Variants in NTM observed in about 807,000 individuals in gnomAD.
NTM encodes IgLON family member 2.
NTM carries 13 observed loss-of-function variants against 42.1 expected under a neutral mutation model. The observed-to-expected ratio is 0.31, with a 90% CI of 0.20 to 0.49. The LOEUF (loss-of-function observed/expected upper bound fraction) is 0.49. Among genes scored for constraint, NTM ranks in the 20% least tolerant of loss-of-function variants. The probability of loss-of-function intolerance (pLI) is 0.99; values close to 1 mark genes in which losing one functional copy is unlikely to be tolerated. For missense variants in NTM, 373 were observed against 452.8 expected (o/e 0.82, Z 1.60); for synonymous variants, 187 against 179.2 (o/e 1.04, Z -0.35).
At chr11:132,197,287 G>C (rs2080382659) in intron 3 of NTM, among the ~76,000 whole-genome samples, 1 of 152,110 alleles carries the variant, frequency 6.6e-6, no homozygotes, top group South Asian at 2.1e-4. Context: ...ATTAGATTTG[G>C]TAAGATGTAC....
At chr11:131,723,204 A>G (rs992595397) in intron 1 of NTM, among the ~76,000 whole-genome samples, 10 of 152,210 alleles carry the variant, frequency 6.6e-5, no homozygotes, top group African/African-American at 2.4e-4. Context: ...CGTTCACATC[A>G]TCCAGTGGTG....
chr11:131,700,823 AC>A (rs1321982902), intron 1 of NTM, among the ~76,000 whole-genome samples: 1 of 152,160 alleles, frequency 6.6e-6, no homozygotes, highest in Non-Finnish European at 1.5e-5. Flanking sequence ...TCTTTTCCAT[AC>A]GCAACCAATA....
At chr11:132,244,351 G>C (rs995954291) in intron 4 of NTM, among the ~76,000 whole-genome samples, 1 of 152,218 alleles carries the variant, frequency 6.6e-6, no homozygotes, top group Non-Finnish European at 1.5e-5. Flanking sequence ...ATTAAAGACA[G>C]CTGCGAGGAA....
intron 2 of NTM, among the ~76,000 whole-genome samples, chr11:131,930,423 A>G (rs74955016): frequency 1.3e-5 from 2 of 152,204 alleles, no homozygotes; most frequent in South Asian, 4.1e-4. Flanking sequence ...GTTTAATGAA[A>G]TGCTTCCTCG....
intron 2 of NTM, among the ~76,000 whole-genome samples, chr11:131,980,517 T>A (rs1169253847): frequency 6.6e-6 from 1 of 152,266 alleles, no homozygotes; most frequent in South Asian, 2.1e-4. Flanking sequence ...TTATTGAATT[T>A]TCTTAAGGAA....
chr11:132,322,028 G>A (rs2136291489), intron 7 of NTM, among the ~76,000 whole-genome samples: 1 of 151,994 alleles, frequency 6.6e-6, no homozygotes, highest in African/African-American at 2.4e-5. Context: ...CCTGAAGGAA[G>A]TGCTAAACAT....
intron 2 of NTM, among the ~76,000 whole-genome samples, chr11:131,921,453 A>C (rs1218624690): frequency 6.6e-6 from 1 of 152,182 alleles, no homozygotes; most frequent in East Asian, 1.9e-4. Context: ...TTTCAAAGGG[A>C]GTATGGCCCT....
intron 1 of NTM, among the ~76,000 whole-genome samples, chr11:131,566,099 C>T (rs192166242): frequency 1.6e-4 from 24 of 152,258 alleles, no homozygotes; most frequent in East Asian, 1.5e-3. Flanking sequence ...GTGCTCTTAA[C>T]GTCTCTCCCT....
chr11:131,766,248 G>A (rs2085074302), intron 1 of NTM, among the ~76,000 whole-genome samples: 1 of 152,176 alleles, frequency 6.6e-6, no homozygotes, highest in Non-Finnish European at 1.5e-5. Flanking sequence ...GGGAAGCAAA[G>A]CAGGTTGCAT....
At chr11:131,951,821 CAAAAA>C (rs11366451) in intron 2 of NTM, among the ~76,000 whole-genome samples, 3 of 70,144 alleles carry the variant, frequency 4.3e-5, no homozygotes, top group Non-Finnish European at 7.9e-5. Context: ...GACTCCGTCT[CAAAAA>C]AAAAAAAAAA....
chr11:132,322,196 A>C (rs1388331885), intron 7 of NTM, among the ~76,000 whole-genome samples: 1 of 152,160 alleles, frequency 6.6e-6, no homozygotes, highest in African/African-American at 2.4e-5. Flanking sequence ...TTTAAATGTA[A>C]ATGGACTAAA....
chr11:132,055,924 C>T (rs1224549545), intron 2 of NTM, among the ~76,000 whole-genome samples: 1 of 152,230 alleles, frequency 6.6e-6, no homozygotes, highest in African/African-American at 2.4e-5. Context: ...CAGAACTCGG[C>T]ACTCAGAAGC....
chr11:131,690,572 G>C (rs146914740), intron 1 of NTM, among the ~76,000 whole-genome samples: 1 of 152,374 alleles, frequency 6.6e-6, no homozygotes, highest in African/African-American at 2.4e-5. Context: ...TCTGCCCTCA[G>C]AAACATACAC....
intron 5 of NTM, among the ~76,000 whole-genome samples, chr11:132,308,038 A>G (rs1333858332): frequency 6.6e-6 from 1 of 152,254 alleles, no homozygotes; most frequent in African/African-American, 2.4e-5. Flanking sequence ...AAAAGTAGCT[A>G]AAGTAACTGA....
chr11:132,035,221 C>T (rs2076369966), intron 2 of NTM, among the ~76,000 whole-genome samples: 1 of 152,170 alleles, frequency 6.6e-6, no homozygotes, highest in Admixed American at 6.5e-5. Flanking sequence ...AGTGAGTCCC[C>T]TCTTTTCTCT....
At chr11:131,545,404 C>T (rs573129073) in intron 1 of NTM, among the ~76,000 whole-genome samples, 3 of 151,668 alleles carry the variant, frequency 2.0e-5, no homozygotes, top group African/African-American at 7.3e-5. Flanking sequence ...CTTTCCTTTC[C>T]TTTTAGTCAC....
Position 131,989,105 on chromosome 11 carries a change from T to C in NTM, c.167+77457T>C, listed in dbSNP as rs533867262. Among the ~76,000 whole-genome samples the C allele has an allele frequency of 5.9e-5, 9 of 152,302 alleles. No homozygotes were observed. The East Asian group carries it at 1.7e-3, about 29-fold the overall frequency. On this transcript the variant is annotated intron_variant, in intron 2 of 8. Transcript: ENST00000683400. ...TACTATGTTTGATCACTGAGATACA[T>C]CGTTAAATATGCTACTGCTGATTCC...
intron 1 of NTM, among the ~76,000 whole-genome samples, chr11:131,718,011 G>C (rs559578179): frequency 6.6e-6 from 1 of 152,052 alleles, no homozygotes; most frequent in Admixed American, 6.6e-5. Context: ...GAAGTACATT[G>C]GTTGATTATT....
chr11:131,819,885 G>A (rs964292683), intron 1 of NTM, among the ~76,000 whole-genome samples: 2 of 152,202 alleles, frequency 1.3e-5, no homozygotes, highest in Non-Finnish European at 2.9e-5. Context: ...GGATGCTGCT[G>A]TGGACGTGTG....
Sources: gnomAD v4.1 joint callset for allele counts (sites outside exome capture counted in the v4.1 genomes callset) on GRCh38, gnomAD v4.1.1 for gene constraint, MANE v1.5 for transcripts, NCBI Gene and HGNC (gene_info 2026-07-23, HGNC 2026-07-21) for gene names.